The following ACTR3C variants were observed in gnomAD, a reference collection of about 807,000 sequenced individuals.
ACTR3C encodes actin related protein 3C, also known as actin-related protein 3C.
Under a neutral mutation model 26.3 loss-of-function variants are expected in ACTR3C, and 18 were observed. That is an observed-to-expected ratio of 0.68 (90% confidence interval 0.47 to 1.01). The LOEUF is 1.01. Among genes scored for constraint, ACTR3C ranks in the 50% least tolerant of loss-of-function variants. The pLI is 0.00. For synonymous variants in ACTR3C, 55 were observed against 94.5 expected, an observed-to-expected ratio of 0.58 and a Z score of 2.42; for missense variants, 184 against 250.7, an observed-to-expected ratio of 0.73 and a Z score of 1.80.
At chr7:149,924,565 C>A in the ACTR3C span, among the ~76,000 whole-genome samples, 8 of 152,110 alleles carry the variant, frequency 5.3e-5, no homozygotes, top group Non-Finnish European at 1.0e-4. Flanking sequence ...AATAAAAAAG[C>A]GGTTAAGAGT....
the ACTR3C span, among the ~76,000 whole-genome samples, chr7:150,089,007 A>G: frequency 0.53 from 81,267 of 151,966 alleles, 22,894 homozygotes; most frequent in East Asian, 0.74. Context: ...CTTCCAAACA[A>G]ATATTTATTT....
At chr7:149,907,486 CT>C in the ACTR3C span, among the ~76,000 whole-genome samples, 5 of 142,000 alleles carry the variant, frequency 3.5e-5, no homozygotes, top group Middle Eastern at 3.5e-3. Context: ...TCTTCTCTCT[CT>C]CTCTCTCTCT....
At chr7:150,221,360 G>C in the ACTR3C span, among the ~76,000 whole-genome samples, 1 of 152,108 alleles carries the variant, frequency 6.6e-6, no homozygotes, top group Non-Finnish European at 1.5e-5. Flanking sequence ...TTAGACACAG[G>C]TGAAAAGAAA....
the ACTR3C span, among the ~76,000 whole-genome samples, chr7:149,908,440 G>A: frequency 3.3e-4 from 50 of 152,152 alleles, no homozygotes; most frequent in South Asian, 5.0e-3. Context: ...GCAAGGAACC[G>A]GAATGAGGTT....
At chr7:150,297,229 C>G (rs1343539924) in intron 1 of ACTR3C, among the ~76,000 whole-genome samples, 1 of 149,768 alleles carries the variant, frequency 6.7e-6, no homozygotes, top group Non-Finnish European at 1.5e-5. Context: ...AAGTATGTTA[C>G]AAAATCAAAA....
the ACTR3C span, among the ~76,000 whole-genome samples, chr7:150,124,761 C>A: frequency 2.6e-5 from 4 of 152,104 alleles, no homozygotes; most frequent in African/African-American, 9.7e-5. Context: ...TCACACACTG[C>A]AGGTAATAAT....
chr7:149,968,772 C>T, the ACTR3C span, among the ~76,000 whole-genome samples: 3 of 152,092 alleles, frequency 2.0e-5, no homozygotes, highest in African/African-American at 7.3e-5. Flanking sequence ...CAGCTTGTTC[C>T]AGCATAAAAT....
At chr7:150,149,999 A>G in the ACTR3C span, among the ~76,000 whole-genome samples, 2 of 152,192 alleles carry the variant, frequency 1.3e-5, no homozygotes, top group African/African-American at 4.8e-5. Context: ...TATGATTTGT[A>G]CAATGAAATG....
chr7:150,115,544 C>T, the ACTR3C span, among the ~76,000 whole-genome samples: 1 of 152,268 alleles, frequency 6.6e-6, no homozygotes, highest in African/African-American at 2.4e-5. Context: ...CTCTTGATTC[C>T]TCTCCCTCCA....
chr7:150,262,412 C>CA (rs1287384062), intron 6 of ACTR3C, among the ~76,000 whole-genome samples: 1 of 152,180 alleles, frequency 6.6e-6, no homozygotes, highest in Non-Finnish European at 1.5e-5. Context: ...ATGTCTGTAA[C>CA]TTTTTTTTTC....
At chr7:150,043,698 G>A in the ACTR3C span, among the ~76,000 whole-genome samples, 1 of 152,230 alleles carries the variant, frequency 6.6e-6, no homozygotes, top group African/African-American at 2.4e-5. Context: ...GGTGATGAGA[G>A]TAATGGGATC....
chr7:150,236,642 G>A, the ACTR3C span, among the ~76,000 whole-genome samples: 3 of 152,074 alleles, frequency 2.0e-5, no homozygotes, highest in African/African-American at 4.8e-5. Context: ...CAGGCTAGCT[G>A]TGAAATAGTT....
the ACTR3C span, among the ~76,000 whole-genome samples, chr7:150,162,566 C>T: frequency 1.2e-4 from 19 of 152,268 alleles, no homozygotes; most frequent in South Asian, 2.3e-3. Context: ...TCGCCCACCT[C>T]GGTCTCCCAA....
At chr7:149,982,522 G>GC in the ACTR3C span, among the ~76,000 whole-genome samples, 3 of 152,014 alleles carry the variant, frequency 2.0e-5, no homozygotes, top group Admixed American at 2.0e-4. Flanking sequence ...CCCTTTTGCA[G>GC]ATAACAAAAC....
chr7:149,901,157 T>C, the ACTR3C span, among the ~76,000 whole-genome samples: 1 of 149,142 alleles, frequency 6.7e-6, no homozygotes, highest in Non-Finnish European at 1.5e-5. Flanking sequence ...GATAAAATTA[T>C]AGAGATGAAA....
the ACTR3C span, among the ~76,000 whole-genome samples, chr7:149,965,893 TAAG>T: frequency 2.0e-3 from 304 of 152,304 alleles, 2 homozygotes; most frequent in African/African-American, 7.1e-3. Context: ...AACTTAAAGC[TAAG>T]ACCCAGAGAG....
chr7:150,005,192 A>T, the ACTR3C span: 111 of 146,384 alleles, frequency 7.6e-4, no homozygotes, highest in African/African-American at 2.6e-3. Context: ...TCTGTAAATT[A>T]AAAATTCCAC....
At chr7:150,246,483 C>T (rs1832471014), downstream of ACTR3C, 1 of 152,110 alleles carries the variant, frequency 6.6e-6, no homozygotes, top group South Asian at 2.1e-4. Flanking sequence ...GACTTGTAGC[C>T]ACTGCATTGA....
intron 6 of ACTR3C, among the ~76,000 whole-genome samples, chr7:150,252,130 G>T (rs1187663399): frequency 1.3e-5 from 2 of 151,686 alleles, no homozygotes; most frequent in African/African-American, 4.8e-5. Flanking sequence ...GTGTCTGTGT[G>T]TGTGTGTGTG....
Sources: allele counts gnomAD v4.1 joint callset (sites outside exome capture counted in the v4.1 genomes callset), GRCh38; gene constraint gnomAD v4.1.1; transcripts MANE v1.5; gene names NCBI Gene and HGNC (gene_info 2026-07-23, HGNC 2026-07-21).